SLC17A3: variants seen among roughly 807,000 people sequenced by gnomAD.
SLC17A3 encodes the protein sodium-dependent phosphate transport protein 4.
Under a neutral mutation model 60.3 loss-of-function variants are expected in SLC17A3, and 61 were observed. The ratio of observed to expected loss-of-function variants is 1.01; its 90% CI spans 0.82 to 1.25. SLC17A3 has a LOEUF of 1.25. SLC17A3 is among the 50% of genes most tolerant of loss of function. SLC17A3 has a pLI of 0.00. For missense variants in SLC17A3, 624 were observed against 594.9 expected, an observed-to-expected ratio of 1.05 and a Z score of -0.51; for synonymous variants, 192 against 208.9, an observed-to-expected ratio of 0.92 and a Z score of 0.70.
intron 1 of SLC17A3, among the ~76,000 whole-genome samples, chr6:25,868,988 C>T (rs1356958102): frequency 2.0e-5 from 3 of 151,944 alleles, no homozygotes; most frequent in East Asian, 1.9e-4. Context: ...ACTGCTTCCT[C>T]ATTTGACTCA....
At chr6:25,870,609 C>T (rs1376975335) in intron 1 of SLC17A3, among the ~76,000 whole-genome samples, 4 of 151,960 alleles carry the variant, frequency 2.6e-5, no homozygotes, top group Admixed American at 1.3e-4. Context: ...AGCACATCAG[C>T]CTCTGCATTC....
intron 2 of SLC17A3, among the ~76,000 whole-genome samples, chr6:25,865,887 T>G (rs2151526638): frequency 6.6e-6 from 1 of 152,158 alleles, no homozygotes; most frequent in South Asian, 2.1e-4. Flanking sequence ...GAGGGTATTC[T>G]ATTTAACTAC....
chr6:25,860,502 C>T (rs1043748265), intron 5 of SLC17A3, among the ~76,000 whole-genome samples: 14 of 152,148 alleles, frequency 9.2e-5, no homozygotes, highest in African/African-American at 3.1e-4. Flanking sequence ...GCTCACTCCA[C>T]CTGCCGATGG....
rs535837919 is a variant in SLC17A3, at chr6:25,862,075, T to C, written c.304-46A>G. ...TGTAGTAAACCTTACACAAAAAGGT[T>C]CTTACATACCCTAGAAAGCTCCTTT... is the stretch of plus-strand genomic sequence containing the variant. On this transcript the variant is annotated intron_variant, in intron 3 of 12. Coordinates refer to ENST00000397060, the MANE Select transcript of SLC17A3 (RefSeq NM_001098486.2). 5 of 1,490,784 alleles carry C rather than the reference T, an allele frequency of 3.4e-6. No homozygotes were observed. The African/African-American group carries it at 7.0e-5, about 21-fold the overall frequency. 92.3% of individuals were successfully genotyped at this position (1,490,784 alleles called of 1,614,324 possible).
chr6:25,857,868 G>C (rs1440461211), intron 5 of SLC17A3, among the ~76,000 whole-genome samples: 1 of 152,144 alleles, frequency 6.6e-6, no homozygotes, highest in Non-Finnish European at 1.5e-5. Flanking sequence ...TCCAAAGCCA[G>C]GTCCCTTCTT....
At position 25,861,695 on chromosome 6, in the gene SLC17A3, C is replaced by A. The variant is rs764515211; in HGVS notation, c.554G>T (p.Gly185Val). The A allele has an allele frequency of 1.9e-6, 3 of 1,613,920 alleles. No individual in the cohort carries two copies. The highest frequency in any genetic ancestry group is 2.5e-6 in the Non-Finnish European group (3 of 1,179,840). The change falls in exon 5 of 13, where the codon GGT becomes GTT. Residue 185 changes from glycine (G) to valine (V), a missense_variant. Physicochemically the swap from Gly to Val is moderately radical, Grantham distance 109 (BLOSUM62 -3). Transcript: ENST00000397060. ...CCACTTTTCCCAAATTGCAAACTGA[C>A]CCCCAAGTATTGAGGACTGAAATTA... ...QGLSQSSILG[G>V]QFAIWEKWGP...
intron 6 of SLC17A3, among the ~76,000 whole-genome samples, chr6:25,853,566 C>T (rs928455459): frequency 1.3e-4 from 19 of 151,652 alleles, no homozygotes; most frequent in Admixed American, 5.9e-4. Context: ...ATTAGGTGCC[C>T]GCCACCACGC....
At chr6:25,865,196 TG>T (rs952931758) in intron 2 of SLC17A3, among the ~76,000 whole-genome samples, 7 of 151,998 alleles carry the variant, frequency 4.6e-5, no homozygotes, top group Non-Finnish European at 1.5e-5. Flanking sequence ...ATATATATGG[TG>T]GCTTCTGTTT....
intron 1 of SLC17A3, 60 bp downstream of exon 1, chr6:25,874,107 A>G (rs1388990742): frequency 1.3e-5 from 2 of 152,078 alleles, no homozygotes; most frequent in African/African-American, 2.4e-5. Context: ...AAAATTGTCC[A>G]TTGCTATACA....
chr6:25,870,147 C>G (rs1233199035), intron 1 of SLC17A3, among the ~76,000 whole-genome samples: 2 of 151,874 alleles, frequency 1.3e-5, no homozygotes, highest in Non-Finnish European at 2.9e-5. Context: ...AGTGGAATAC[C>G]TGGATCGTAT....
intron 11 of SLC17A3, among the ~76,000 whole-genome samples, chr6:25,846,375 A>G (rs1045773018): frequency 6.6e-6 from 1 of 152,224 alleles, no homozygotes; most frequent in African/African-American, 2.4e-5. Context: ...CCACACAATG[A>G]GACACTACAC....
At chr6:25,871,804 G>T (rs1273995216) in intron 1 of SLC17A3, among the ~76,000 whole-genome samples, 1 of 151,972 alleles carries the variant, frequency 6.6e-6, no homozygotes, top group Admixed American at 6.6e-5. Context: ...AGGATGGTTG[G>T]CTTTTTGTTT....
intron 6 of SLC17A3, among the ~76,000 whole-genome samples, chr6:25,853,459 A>G (rs1765313500): frequency 8.8e-6 from 1 of 113,902 alleles, no homozygotes; most frequent in African/African-American, 3.5e-5. Context: ...TCTGTGGCCC[A>G]GGTTGGAGTG....
intron 10 of SLC17A3, among the ~76,000 whole-genome samples, 154 bp downstream of exon 10, chr6:25,849,651 C>T (rs1354113435): frequency 6.6e-6 from 1 of 151,950 alleles, no homozygotes; most frequent in East Asian, 1.9e-4. Flanking sequence ...AAATCAATAC[C>T]CCTTCCTCAA....
At chr6:25,849,667 C>A in intron 10 of SLC17A3, 138 bp downstream of exon 10, 1 of 985,422 alleles carries the variant, frequency 1.0e-6, no homozygotes, top group Non-Finnish European at 1.6e-6. Flanking sequence ...CTCAACATAC[C>A]TGAAAAAAAC....
intron 6 of SLC17A3, among the ~76,000 whole-genome samples, chr6:25,852,437 ATGT>A (rs1004752603): frequency 6.6e-6 from 1 of 152,062 alleles, no homozygotes; most frequent in African/African-American, 2.4e-5. Context: ...TTTTTGAAAA[ATGT>A]TGTTTTTGTT....
At chr6:25,865,378 T>C (rs754790881) in intron 2 of SLC17A3, among the ~76,000 whole-genome samples, 12 of 152,058 alleles carry the variant, frequency 7.9e-5, no homozygotes, top group South Asian at 2.1e-4. Context: ...CAAGTCTTTG[T>C]AGTGAATTAA....
chr6:25,850,278 C>T, intron 8 of SLC17A3, 101 bp from the exon 9 acceptor site: 1 of 1,428,510 alleles, frequency 7.0e-7, no homozygotes, highest in Non-Finnish European at 9.7e-7. Context: ...TGAAATCATA[C>T]TTTCTTAGGA....
intron 5 of SLC17A3, among the ~76,000 whole-genome samples, chr6:25,857,440 A>G (rs1267617229): frequency 6.6e-6 from 1 of 151,124 alleles, no homozygotes; most frequent in Non-Finnish European, 1.5e-5. Context: ...AATTTTTTTA[A>G]TGTGGTGTTT....
Sources: allele counts gnomAD v4.1 joint callset (sites outside exome capture counted in the v4.1 genomes callset), GRCh38; gene constraint gnomAD v4.1.1; transcripts MANE v1.5; gene names NCBI Gene and HGNC (gene_info 2026-07-23, HGNC 2026-07-21).